ELMO2: variants seen among roughly 807,000 people sequenced by gnomAD.
The protein encoded by ELMO2 is engulfment and cell motility protein 2.
In ELMO2, 37 loss-of-function variants were observed where a neutral mutation model predicts 96.2. The ratio of observed to expected loss-of-function variants is 0.38; its 90% CI spans 0.30 to 0.51. ELMO2 has a LOEUF of 0.51. ELMO2 is among the 20% of genes least tolerant of loss of function. ELMO2 has a pLI of 0.88. For synonymous variants in ELMO2, 315 were observed against 329.4 expected (o/e 0.96, Z 0.47); for missense variants, 561 against 912.6 (o/e 0.61, Z 4.96).
At chr20:46,384,590 A>G (rs559545268) in intron 9 of ELMO2, among the ~76,000 whole-genome samples, 14 of 152,246 alleles carry the variant, frequency 9.2e-5, no homozygotes, top group Admixed American at 3.9e-4. Flanking sequence ...AGGTTACAGG[A>G]AAATCAGAAT....
chr20:46,372,252 G>C (rs2059734906), intron 16 of ELMO2, among the ~76,000 whole-genome samples: 1 of 152,214 alleles, frequency 6.6e-6, no homozygotes, highest in African/African-American at 2.4e-5. Flanking sequence ...TCTTGACTCT[G>C]TCCCTTCAGC....
chr20:46,401,037 G>A (rs2060326754), intron 1 of ELMO2, among the ~76,000 whole-genome samples: 1 of 152,226 alleles, frequency 6.6e-6, no homozygotes, highest in Admixed American at 6.5e-5. Flanking sequence ...AAGAACGGAT[G>A]TGTACTTTTT....
chr20:46,371,652 C>G lies in ELMO2; in HGVS notation c.1620G>C (p.Leu540=), dbSNP rs755062291. ...REKIQPEILE[L]IKQQRLNRLC... The stretch of plus-strand genomic sequence containing the variant: ...GCCGGTTCAGGCGCTGCTGCTTGAT[C>G]AGCTCAAGGATCTCGGGCTGGATCT... Residue 540 remains leucine, a synonymous_variant, in exon 18 of 22, where the codon CTG becomes CTC. Transcript: ENST00000290246. This position sits in a 1 kb window ranked among gnomAD's most constrained non-coding sequence, Gnocchi z 5.9. 1.2e-6 allele frequency: 2 copies of G among 1,613,020 alleles called. No individual in the cohort carries two copies. Among genetic ancestry groups the G allele is most frequent in the Non-Finnish European group, 1.7e-6 (2 of 1,179,754 alleles).
At position 46,374,241 on chromosome 20, in the gene ELMO2, C is replaced by T. The variant is rs554632407; in HGVS notation, c.1279+91G>A. On this transcript the variant is annotated intron_variant, in intron 15 of 21. Transcript: ENST00000290246. ...ACAGGTGTGAACCACCACGCCCGAC[C>T]CCACTGACATGTAACTGTTTATAAT... 451 of 1,058,552 alleles carry T rather than the reference C, an allele frequency of 4.3e-4. 7 individuals carry two copies. The South Asian group carries it at 5.8e-3, about 14-fold the overall frequency. 65.6% of individuals were successfully genotyped at this position (1,058,552 alleles called of 1,614,324 possible).
intron 1 of ELMO2, among the ~76,000 whole-genome samples, chr20:46,400,071 G>A (rs1168697292): frequency 6.6e-6 from 1 of 152,170 alleles, no homozygotes; most frequent in Non-Finnish European, 1.5e-5. Context: ...CCAGGAGTTC[G>A]AGGCTGCAGT....
In ELMO2 at chr20:46,371,560, T is replaced by C. The variant is rs548986105; in HGVS notation, c.1693+19A>G. The C allele has an allele frequency of 8.1e-6, 13 of 1,603,206 alleles. No homozygotes were observed. The highest frequency in any genetic ancestry group is 7.8e-5 in the South Asian group (7 of 90,306). On this transcript the variant is annotated intron_variant, in intron 18 of 21. Transcript: ENST00000290246. This position sits in a 1 kb window ranked among gnomAD's most constrained non-coding sequence, Gnocchi z 5.9. The stretch of plus-strand genomic sequence containing the variant: ...GGCAGGCTCTTCCCGGCACCAAGGA[T>C]TGCCCCGTCTCCTCTCACCTTGCCT...
intron 10 of ELMO2, among the ~76,000 whole-genome samples, chr20:46,381,755 T>C (rs1368084750): frequency 6.6e-6 from 1 of 152,204 alleles, no homozygotes; most frequent in Non-Finnish European, 1.5e-5. Context: ...CTCCCTATAA[T>C]GAAGAAATGA....
chr20:46,392,574 G>A, intron 6 of ELMO2, among the ~76,000 whole-genome samples: 1 of 152,210 alleles, frequency 6.6e-6, no homozygotes, highest in East Asian at 1.9e-4. Flanking sequence ...CTTCTGGACA[G>A]AGTTGAAACC....
intron 2 of ELMO2, among the ~76,000 whole-genome samples, chr20:46,398,422 C>T (rs2060283135): frequency 6.6e-6 from 1 of 152,130 alleles, no homozygotes; most frequent in South Asian, 2.1e-4. Flanking sequence ...AAGCGATTCT[C>T]CTGCCTCAGC....
intron 6 of ELMO2, among the ~76,000 whole-genome samples, chr20:46,391,914 C>T (rs185195949): frequency 6.6e-6 from 1 of 152,294 alleles, no homozygotes; most frequent in East Asian, 1.9e-4. Flanking sequence ...TTTGACTCCA[C>T]GTCCCCTTCG....
chr20:46,389,263 G>A (rs762269028), intron 6 of ELMO2, 43 bp from the exon 7 acceptor site: 2 of 1,594,842 alleles, frequency 1.3e-6, no homozygotes, highest in Non-Finnish European at 1.7e-6. Context: ...GCTCCTTGGA[G>A]CAGGTTACTA....
Position 46,375,771 on chromosome 20 carries a change from C to T in ELMO2, c.827G>A (p.Arg276His), listed in dbSNP as rs562401369. Residue 276 changes from arginine to histidine, a missense_variant, in exon 12 of 22, where the codon CGC becomes CAC. Transcript: ENST00000290246. The surrounding 1 kb of genome is among the most constrained non-coding windows in gnomAD (Gnocchi z 4.6). ...ATGGGCCATCTCAGTTTTGATGGGG[C>T]GGTTCCCTCGGATCACATGCTAGAA... ...IILNHVIRGN[R>H]PIKTEMAHQL... 1.6e-5 allele frequency: 26 copies of T among 1,614,108 alleles called. No individual in the cohort carries two copies. The South Asian group carries it at 1.6e-4, about 10-fold the overall frequency.
rs1209903982 is a variant in ELMO2 at position 46,371,809 on chromosome 20, A to G, written c.1577T>C (p.Ile526Thr). ...MSQDDFQSPP[I>T]VELREKIQPE... ...CCTCCCCTGAGATGGAACTTACACAATTGGCGGGGACTGGAAGTCATCCTG... is the reference window on the plus strand; with the variant it reads ...CCTCCCCTGAGATGGAACTTACACAGTTGGCGGGGACTGGAAGTCATCCTG... Residue 526 changes from isoleucine (I) to threonine (T), a missense_variant, in exon 17 of 22, where the codon ATT (isoleucine) becomes ACT (threonine). Coordinates refer to ENST00000290246, the MANE Select transcript of ELMO2 (RefSeq NM_133171.5). This position sits in a 1 kb window ranked among gnomAD's most constrained non-coding sequence, Gnocchi z 5.9. 1 of 1,614,060 alleles carries G rather than the reference A, an allele frequency of 6.2e-7. No homozygotes were observed. Among genetic ancestry groups the G allele is most frequent in the Admixed American group, 1.7e-5 (1 of 60,020 alleles).
chr20:46,396,811 A>C (rs1207717066), intron 2 of ELMO2, among the ~76,000 whole-genome samples: 2 of 152,198 alleles, frequency 1.3e-5, no homozygotes, highest in African/African-American at 4.8e-5. Flanking sequence ...ATGGCCCTTT[A>C]ACCAAATCTC....
intron 1 of ELMO2, among the ~76,000 whole-genome samples, chr20:46,405,465 C>T (rs1390482777): frequency 1.3e-5 from 2 of 152,242 alleles, no homozygotes; most frequent in East Asian, 3.9e-4. Context: ...AGCAAGCGGA[C>T]GGACGAGTAG....
intron 6 of ELMO2, among the ~76,000 whole-genome samples, chr20:46,389,918 G>A (rs2145830249): frequency 6.6e-6 from 1 of 152,180 alleles, no homozygotes; most frequent in East Asian, 1.9e-4. Flanking sequence ...ACTTTGGGAG[G>A]CCAAGGCGGG....
At chr20:46,373,562 G>T in intron 15 of ELMO2, 27 bp from the exon 16 acceptor site, 1 of 1,612,514 alleles carries the variant, frequency 6.2e-7, no homozygotes, top group Non-Finnish European at 8.5e-7. Flanking sequence ...ACAGGGAGAA[G>T]ATGAAGCCTC....
intron 10 of ELMO2, among the ~76,000 whole-genome samples, chr20:46,382,630 A>G (rs1028880704): frequency 6.6e-6 from 1 of 152,248 alleles, no homozygotes; most frequent in Non-Finnish European, 1.5e-5. Context: ...TCCAGCCAGC[A>G]GCAGGGAGAA....
rs1293562525 is a variant in ELMO2 at position 46,367,531 on chromosome 20, G to C, written c.1992C>G (p.Ala664=). Residue 664 remains alanine (A), a synonymous_variant, in exon 22 of 22, where the codon GCC becomes GCG. Transcript: ENST00000290246. ...EYCIWIDGLS[A]LLGKDMSSEL... Reference sequence around the variant, plus strand: ...CACTGGACATGTCCTTCCCCAGAAGGGCACTGAGGCCATCAATCCAGATGC... The same window carrying C: ...CACTGGACATGTCCTTCCCCAGAAGCGCACTGAGGCCATCAATCCAGATGC... The C allele has an allele frequency of 3.7e-6, 6 of 1,613,360 alleles. No individual in the cohort carries two copies. The highest frequency in any genetic ancestry group is 5.1e-6 in the Non-Finnish European group (6 of 1,179,766).
Sources: allele counts gnomAD v4.1 joint callset (sites outside exome capture counted in the v4.1 genomes callset), GRCh38; gene constraint gnomAD v4.1.1; non-coding constraint Gnocchi (gnomAD v3.1); transcripts MANE v1.5; gene names NCBI Gene and HGNC (gene_info 2026-07-23, HGNC 2026-07-21).